The following KIAA1217 variants were observed in gnomAD, a reference collection of about 807,000 sequenced individuals.
The protein encoded by KIAA1217 is KIAA1217.
KIAA1217 carries 88 observed loss-of-function variants against 163.9 expected under a neutral mutation model. The observed-to-expected ratio is 0.54, with a 90% CI of 0.45 to 0.64. The LOEUF is 0.64. Among genes scored for constraint, KIAA1217 ranks in the 30% least tolerant of loss-of-function variants. The pLI, the probability that KIAA1217 is intolerant of heterozygous loss-of-function variation, is 0.00. For synonymous variants in KIAA1217, 903 were observed against 923.1 expected (o/e 0.98, Z 0.39); for missense variants, 2,372 against 2,475.0 (o/e 0.96, Z 0.88).
chr10:24,261,783 AG>A (rs2075755071), intron 2 of KIAA1217, among the ~76,000 whole-genome samples: 1 of 152,210 alleles, frequency 6.6e-6, no homozygotes, highest in South Asian at 2.1e-4. Context: ...GAAGAGTTGT[AG>A]GTCCTGCCAC....
intron 2 of KIAA1217, among the ~76,000 whole-genome samples, chr10:24,374,705 T>A (rs2052209466): frequency 1.3e-5 from 2 of 152,182 alleles, no homozygotes; most frequent in South Asian, 4.1e-4. Flanking sequence ...TGCTTTTCTG[T>A]CCATAAGCCA....
intron 5 of KIAA1217, among the ~76,000 whole-genome samples, chr10:24,468,358 T>C (rs139823270): frequency 1.6e-4 from 25 of 152,338 alleles, no homozygotes; most frequent in African/African-American, 6.0e-4. Flanking sequence ...ATTTTTCTTC[T>C]TGGGCTCTGT....
intron 1 of KIAA1217, among the ~76,000 whole-genome samples, chr10:23,722,915 T>C (rs949501586): frequency 6.6e-6 from 1 of 151,854 alleles, no homozygotes; most frequent in Non-Finnish European, 1.5e-5. Context: ...GTCCAGCTGT[T>C]CCTCTGTTCC....
intron 2 of KIAA1217, among the ~76,000 whole-genome samples, chr10:24,313,730 TTTGA>T (rs1190125351): frequency 6.6e-6 from 1 of 152,158 alleles, no homozygotes; most frequent in Non-Finnish European, 1.5e-5. Context: ...GAGGTGATCC[TTTGA>T]TTGAATGTTT....
chr10:23,739,551 G>A (rs1029524123), intron 1 of KIAA1217, among the ~76,000 whole-genome samples: 1 of 152,224 alleles, frequency 6.6e-6, no homozygotes, highest in African/African-American at 2.4e-5. Flanking sequence ...GAGAAGTGAT[G>A]TCAGAGAGGG....
intron 1 of KIAA1217, among the ~76,000 whole-genome samples, chr10:23,885,669 T>C (rs1841138994): frequency 6.6e-6 from 1 of 151,928 alleles, no homozygotes; most frequent in East Asian, 1.9e-4. Context: ...AGGAGATGCT[T>C]GATAAATATT....
intron 1 of KIAA1217, among the ~76,000 whole-genome samples, chr10:23,876,258 C>T (rs1840688384): frequency 6.6e-6 from 1 of 151,684 alleles, no homozygotes; most frequent in African/African-American, 2.4e-5. Flanking sequence ...AGGTTCTCAC[C>T]TGTAAGTGGG....
chr10:24,034,234 T>G (rs1848300345), intron 2 of KIAA1217, among the ~76,000 whole-genome samples: 1 of 151,918 alleles, frequency 6.6e-6, no homozygotes, highest in Non-Finnish European at 1.5e-5. Context: ...ACATAACAAG[T>G]GGGGGTCTTC....
chr10:24,221,050 T>C (rs758206344), intron 2 of KIAA1217, among the ~76,000 whole-genome samples: 1 of 152,146 alleles, frequency 6.6e-6, no homozygotes, highest in Non-Finnish European at 1.5e-5. Context: ...CATGAACCAC[T>C]GTGCCTGGCA....
chr10:24,208,008 C>T (rs2067657166), upstream of KIAA1217, among the ~76,000 whole-genome samples: 1 of 151,410 alleles, frequency 6.6e-6, no homozygotes, highest in South Asian at 2.1e-4. Flanking sequence ...TTTACCCCTC[C>T]TGTGACGGGG....
At chr10:23,770,576 C>T (rs1259072248) in intron 1 of KIAA1217, among the ~76,000 whole-genome samples, 1 of 152,052 alleles carries the variant, frequency 6.6e-6, no homozygotes, top group Non-Finnish European at 1.5e-5. Flanking sequence ...ATGGAGAAGA[C>T]CCTGGAAGAG....
chr10:23,928,997 T>C (rs965916101), intron 1 of KIAA1217, among the ~76,000 whole-genome samples: 1 of 152,082 alleles, frequency 6.6e-6, no homozygotes, highest in Non-Finnish European at 1.5e-5. Context: ...GGTTCCAGCG[T>C]ACACAAGCTT....
At chr10:24,104,288 A>T (rs2062534865) in intron 2 of KIAA1217, among the ~76,000 whole-genome samples, 1 of 152,226 alleles carries the variant, frequency 6.6e-6, no homozygotes, top group African/African-American at 2.4e-5. Flanking sequence ...AAGTGAATGG[A>T]TAAATAAACC....
intron 1 of KIAA1217, among the ~76,000 whole-genome samples, chr10:23,845,878 G>T (rs572063656): frequency 6.6e-6 from 1 of 152,274 alleles, no homozygotes; most frequent in African/African-American, 2.4e-5. Flanking sequence ...TTATGCTTAA[G>T]TCCTTAATCC....
At chr10:24,015,543 G>C (rs888684201) in intron 2 of KIAA1217, among the ~76,000 whole-genome samples, 8 of 151,940 alleles carry the variant, frequency 5.3e-5, no homozygotes, top group African/African-American at 1.9e-4. Flanking sequence ...ATCACCTGAG[G>C]TCAAGAGTTC....
intron 1 of KIAA1217, among the ~76,000 whole-genome samples, chr10:23,778,732 G>A (rs1055393655): frequency 2.0e-5 from 3 of 152,190 alleles, no homozygotes; most frequent in African/African-American, 4.8e-5. Context: ...ACTAGAGATA[G>A]CAATGTGTCT....
chr10:24,262,805 G>A (rs541595163), intron 2 of KIAA1217, among the ~76,000 whole-genome samples: 1 of 151,874 alleles, frequency 6.6e-6, no homozygotes, highest in East Asian at 1.9e-4. Context: ...AAATTAGCTG[G>A]GCACAATGGT....
intron 2 of KIAA1217, among the ~76,000 whole-genome samples, chr10:24,351,637 GT>G (rs2048475263): frequency 1.3e-5 from 2 of 152,018 alleles, no homozygotes; most frequent in African/African-American, 4.8e-5. Context: ...TTTTGCACCC[GT>G]TTTTTTCGTT....
At chr10:24,436,554 C>T (rs369822596) in intron 4 of KIAA1217, among the ~76,000 whole-genome samples, 7 of 151,068 alleles carry the variant, frequency 4.6e-5, no homozygotes, top group African/African-American at 1.2e-4. Context: ...GTCAGGAGAT[C>T]GAGACCATCC....
Sources: allele counts gnomAD v4.1 joint callset (sites outside exome capture counted in the v4.1 genomes callset), GRCh38; gene constraint gnomAD v4.1.1; transcripts MANE v1.5; gene names NCBI Gene and HGNC (gene_info 2026-07-23, HGNC 2026-07-21).